XKR4: variants seen among roughly 807,000 people sequenced by gnomAD.
The protein encoded by XKR4 is XK-related protein 4.
A neutral mutation model predicts 53.9 loss-of-function variants in XKR4; 12 were observed. That is an observed-to-expected ratio of 0.22 (90% CI 0.14 to 0.36). The LOEUF (loss-of-function observed/expected upper bound fraction) is 0.36. Ranked by LOEUF, XKR4 falls within the 10% of genes least tolerant of loss-of-function variation. XKR4 has a pLI of 1.00. For missense variants in XKR4, 799 were observed against 859.5 expected (o/e 0.93, Z 0.88); for synonymous variants, 354 against 362.4 (o/e 0.98, Z 0.26).
At chr8:55,454,923 C>A in intron 2 of XKR4, 1 of 779,228 alleles carries the variant, frequency 1.3e-6, no homozygotes, top group South Asian at 1.4e-5. Context: ...TAGTGGCGCC[C>A]GGAGTTGATG....
intron 1 of XKR4, among the ~76,000 whole-genome samples, chr8:55,306,743 T>C (rs1470238693): frequency 1.3e-5 from 2 of 152,152 alleles, no homozygotes; most frequent in East Asian, 1.9e-4. Context: ...AGCCTGACCT[T>C]ATCACATGGT....
intron 2 of XKR4, among the ~76,000 whole-genome samples, chr8:55,469,516 T>C (rs1805839548): frequency 1.3e-5 from 2 of 152,166 alleles, no homozygotes; most frequent in African/African-American, 4.8e-5. Flanking sequence ...ATATTGACTT[T>C]AGCTAAAACA....
chr8:55,340,733 G>A (rs1227004372), intron 1 of XKR4, among the ~76,000 whole-genome samples: 1 of 152,214 alleles, frequency 6.6e-6, no homozygotes, highest in East Asian at 1.9e-4. Flanking sequence ...GGGGACAAGA[G>A]TCACTGTGGT....
At chr8:55,392,036 G>A (rs1804450442) in intron 2 of XKR4, among the ~76,000 whole-genome samples, 1 of 152,144 alleles carries the variant, frequency 6.6e-6, no homozygotes, top group African/African-American at 2.4e-5. Flanking sequence ...GTAAAATGAA[G>A]GAGTTACAAG....
chr8:55,127,474 AACTCCTGAACTC>A (rs1453409976), intron 1 of XKR4, among the ~76,000 whole-genome samples: 77 of 151,824 alleles, frequency 5.1e-4, no homozygotes, highest in African/African-American at 1.8e-3. Flanking sequence ...GCTGGTCTCA[AACTCCTGAACTC>A]AGGTAATCTG....
rs965217944 is a variant in XKR4, at chr8:55,331,038, A to G, written c.807-26640A>G. Among the ~76,000 whole-genome samples the G allele has an allele frequency of 4.6e-5, 7 of 152,278 alleles. 1 individual carries two copies. The South Asian group carries it at 1.2e-3, about 27-fold the overall frequency. ...GTTCAGTGCTATTAAGTATATTCAC[A>G]CTATTGTGCAAATATCACCACCATC... On this transcript the variant is annotated intron_variant, in intron 1 of 2. Transcript: ENST00000327381.
chr8:55,477,517 A>T (rs1452888256), intron 2 of XKR4, among the ~76,000 whole-genome samples: 2 of 152,210 alleles, frequency 1.3e-5, no homozygotes, highest in South Asian at 2.1e-4. Flanking sequence ...CTCCAAAGGA[A>T]TGCAGCTCCT....
chr8:55,495,338 G>A (rs60928876), intron 2 of XKR4, among the ~76,000 whole-genome samples: 8,043 of 152,176 alleles, frequency 0.053, 605 homozygotes, highest in East Asian at 0.28. Flanking sequence ...CTGCAGCAGA[G>A]TGGCTACAGC....
In XKR4 at chr8:55,525,681, T is replaced by G. The variant is rs1025548765; in HGVS notation, c.*1454T>G. On this transcript the variant is annotated 3_prime_UTR_variant, in exon 3 of 3. Transcript: ENST00000327381. ...GTGCCGGTCAAACTTTGATAGTATT[T>G]TTTTATAGTTGGTGCAGAGTGGAAT... is the stretch of plus-strand genomic sequence containing the variant. 1.3e-5 allele frequency: 2 copies of G among 152,656 alleles called. No homozygotes were observed. Among genetic ancestry groups the G allele is most frequent in the Non-Finnish European group, 2.9e-5 (2 of 68,036 alleles). 9.5% of individuals were successfully genotyped at this position (152,656 alleles called of 1,614,324 possible).
intron 2 of XKR4, among the ~76,000 whole-genome samples, chr8:55,440,280 G>T (rs1453550014): frequency 6.6e-6 from 1 of 152,118 alleles, no homozygotes; most frequent in Non-Finnish European, 1.5e-5. Context: ...GGTAGAAGAT[G>T]CAAGAAGGAA....
intron 2 of XKR4, among the ~76,000 whole-genome samples, chr8:55,406,627 T>G (rs1433363627): frequency 6.6e-6 from 1 of 152,204 alleles, no homozygotes; most frequent in African/African-American, 2.4e-5. Context: ...TGATCCCAGC[T>G]CCCTCTTTTG....
intron 1 of XKR4, among the ~76,000 whole-genome samples, chr8:55,160,745 G>A (rs1312646104): frequency 6.6e-6 from 1 of 152,124 alleles, no homozygotes; most frequent in Non-Finnish European, 1.5e-5. Flanking sequence ...AGATTCATGT[G>A]GCTCAACCTA....
chr8:55,282,947 T>C (rs1441782047), intron 1 of XKR4, among the ~76,000 whole-genome samples: 1 of 152,200 alleles, frequency 6.6e-6, no homozygotes, highest in Non-Finnish European at 1.5e-5. Flanking sequence ...ATCTTTTATA[T>C]CATATTTTTA....
intron 2 of XKR4, among the ~76,000 whole-genome samples, chr8:55,518,698 G>C (rs1480136303): frequency 6.6e-6 from 1 of 152,166 alleles, no homozygotes; most frequent in African/African-American, 2.4e-5. Flanking sequence ...GCTCAGAAAG[G>C]CTGGGAGTCC....
intron 1 of XKR4, among the ~76,000 whole-genome samples, chr8:55,144,715 C>T (rs1816748289): frequency 6.6e-6 from 1 of 152,050 alleles, no homozygotes; most frequent in Admixed American, 6.5e-5. Context: ...TTGAGCTCTG[C>T]CCTGTGTAAG....
chr8:55,348,492 C>T (rs1367278581), intron 1 of XKR4, among the ~76,000 whole-genome samples: 2 of 152,174 alleles, frequency 1.3e-5, no homozygotes, highest in Non-Finnish European at 2.9e-5. Context: ...GACTGCTTGG[C>T]TTTTCTCTTC....
chr8:55,475,699 G>A (rs35835098), intron 2 of XKR4, among the ~76,000 whole-genome samples: 1,554 of 151,770 alleles, frequency 0.01, 15 homozygotes, highest in Non-Finnish European at 0.015. Flanking sequence ...CACCTCCCAC[G>A]TTCAAACAGT....
At chr8:55,164,010 A>C in intron 1 of XKR4, 1 of 316,208 alleles carries the variant, frequency 3.2e-6, no homozygotes, top group South Asian at 2.7e-5. Flanking sequence ...GAAGCAGAAA[A>C]AATATTTGCA....
At chr8:55,271,494 T>C (rs1232076024) in intron 1 of XKR4, among the ~76,000 whole-genome samples, 1 of 152,062 alleles carries the variant, frequency 6.6e-6, no homozygotes, top group African/African-American at 2.4e-5. Context: ...ACCAACCAAA[T>C]AGAAAAGAAG....
Sources: gnomAD v4.1 joint callset for allele counts (sites outside exome capture counted in the v4.1 genomes callset) on GRCh38, gnomAD v4.1.1 for gene constraint, MANE v1.5 for transcripts, NCBI Gene and HGNC (gene_info 2026-07-23, HGNC 2026-07-21) for gene names.